IL20RA: variants seen among roughly 807,000 people sequenced by gnomAD.
The protein encoded by IL20RA is interleukin 20 receptor subunit alpha.
IL20RA carries 29 observed loss-of-function variants against 36.5 expected under a neutral mutation model. That is an observed-to-expected ratio of 0.79 (90% CI 0.59 to 1.08). The LOEUF is 1.08. IL20RA is among the 50% of genes least tolerant of loss of function. The probability of loss-of-function intolerance (pLI) is 0.00; values close to 1 mark genes in which losing one functional copy is unlikely to be tolerated. For missense variants in IL20RA, 652 were observed against 668.4 expected (o/e 0.98, Z 0.27); for synonymous variants, 279 against 267.1 (o/e 1.04, Z -0.43).
intron 2 of IL20RA, among the ~76,000 whole-genome samples, chr6:137,016,341 T>TA (rs1775683902): frequency 6.6e-6 from 1 of 152,248 alleles, no homozygotes; most frequent in African/African-American, 2.4e-5. Flanking sequence ...TGCACTGTGA[T>TA]ACTTATTTTG....
intron 1 of IL20RA, among the ~76,000 whole-genome samples, chr6:137,032,547 A>C (rs1388398487): frequency 6.6e-6 from 1 of 152,188 alleles, no homozygotes; most frequent in Non-Finnish European, 1.5e-5. Flanking sequence ...CCTGGCTCCA[A>C]GTTCTCACTT....
Position 137,017,022 on chromosome 6 carries a change from G to A in IL20RA, c.170C>T (p.Thr57Ile), listed in dbSNP as rs565601068. 39 of 1,612,774 alleles carry A rather than the reference G, an allele frequency of 2.4e-5. No homozygotes were observed. In the East Asian group the frequency reaches 5.1e-4, roughly 21 times the overall value. Reference protein sequence around the residue: ...SINMKNVLQWTPPEGLQGVKV... With the variant: ...SINMKNVLQWIPPEGLQGVKV... ...AACTCCTTGAAGACCCTCTGGTGGA[G>A]TCCATTGTAGGACATTCTTCATGTT... Residue 57 changes from threonine to isoleucine, a missense_variant, in exon 2 of 7, where the codon ACT (threonine) becomes ATT (isoleucine). Transcript: ENST00000316649.
chr6:137,044,687 C>T lies in IL20RA; in HGVS notation c.42G>A (p.Leu14=). The stretch of plus-strand genomic sequence containing the variant: ...CCAGGAGCAACAGCAGCAGCGGCGG[C>T]AGCGGCAGCGGCCGCAGGGCCGGGC... ...PGRPALRPLP[L]PPLLLLLLAA... Residue 14 remains leucine, a synonymous_variant, in exon 1 of 7, where the codon CTG becomes CTA. Coordinates refer to ENST00000316649, the MANE Select transcript of IL20RA (RefSeq NM_014432.4). 9 of 1,224,990 alleles carry T rather than the reference C, an allele frequency of 7.3e-6. No homozygotes were observed. Among genetic ancestry groups the T allele is most frequent in the Non-Finnish European group, 7.1e-6 (7 of 984,070 alleles). 75.9% of individuals were successfully genotyped at this position (1,224,990 alleles called of 1,614,324 possible).
At chr6:137,005,123 A>C (rs1287918683) in intron 5 of IL20RA, among the ~76,000 whole-genome samples, 2 of 152,276 alleles carry the variant, frequency 1.3e-5, no homozygotes, top group Non-Finnish European at 2.9e-5. Context: ...AGTAAGTCAC[A>C]GAATTTCAAA....
intron 1 of IL20RA, among the ~76,000 whole-genome samples, chr6:137,020,744 A>G (rs990339676): frequency 2.0e-5 from 3 of 152,206 alleles, no homozygotes; most frequent in Non-Finnish European, 4.4e-5. Flanking sequence ...TTTCAGAGTA[A>G]TAAACATCTT....
chr6:137,016,835 CTT>C, intron 2 of IL20RA, 131 bp downstream of exon 2: 1 of 836,798 alleles, frequency 1.2e-6, no homozygotes, highest in Non-Finnish European at 1.9e-6. Flanking sequence ...ATCCAGAAAA[CTT>C]AACCTGAAAT....
intron 4 of IL20RA, 143 bp from the exon 5 acceptor site, chr6:137,008,886 T>TTC (rs1554212421): frequency 1.2e-4 from 64 of 531,712 alleles, no homozygotes; most frequent in Non-Finnish European, 1.6e-4. Context: ...TTTTTTTTTT[T>TTC]CAGCAACAGT....
At chr6:137,040,397 C>T (rs1776646941) in intron 1 of IL20RA, among the ~76,000 whole-genome samples, 1 of 151,840 alleles carries the variant, frequency 6.6e-6, no homozygotes, top group Non-Finnish European at 1.5e-5. Flanking sequence ...ATAAGCATGC[C>T]TCACACCCAG....
chr6:137,017,122 G>C lies in IL20RA; in HGVS notation c.89-19C>G, dbSNP rs758153370. 1.9e-6 allele frequency: 3 copies of C among 1,610,290 alleles called. No homozygotes were observed. The highest frequency in any genetic ancestry group is 2.5e-6 in the Non-Finnish European group (3 of 1,177,954). Reference sequence around the variant, plus strand: ...CAGGGAACTGAAAAAGGAGCAGAAAGGAATTGAGGTCTTAGTAGCAGAAAA... The same window carrying C: ...CAGGGAACTGAAAAAGGAGCAGAAACGAATTGAGGTCTTAGTAGCAGAAAA... On this transcript the variant is annotated intron_variant, in intron 1 of 6. Coordinates refer to ENST00000316649, the MANE Select transcript of IL20RA (RefSeq NM_014432.4).
At position 137,034,400 on chromosome 6, in the gene IL20RA, A is replaced by ATATTT. The variant is rs961003913; in HGVS notation, c.88+10236_88+10240dup. The stretch of plus-strand genomic sequence containing the variant: ...AAGACCTGAATTTATTTTATTTTTT[A>ATATTT]TATTTTATTTTATTTTATTTTAAGT... On this transcript the variant is annotated intron_variant, in intron 1 of 6. Coordinates refer to ENST00000316649, the MANE Select transcript of IL20RA (RefSeq NM_014432.4). Among the ~76,000 whole-genome samples, 7 of 152,198 alleles carry ATATTT rather than the reference A, an allele frequency of 4.6e-5. No individual in the cohort carries two copies. The South Asian group carries it at 8.3e-4, about 18-fold the overall frequency.
At chr6:137,029,482 G>A (rs1365297450) in intron 1 of IL20RA, among the ~76,000 whole-genome samples, 1 of 152,112 alleles carries the variant, frequency 6.6e-6, no homozygotes, top group African/African-American at 2.4e-5. Context: ...ACTTCTGCCT[G>A]GGCAACAGAG....
chr6:137,041,003 C>T (rs1776674787), intron 1 of IL20RA, among the ~76,000 whole-genome samples: 1 of 152,210 alleles, frequency 6.6e-6, no homozygotes, highest in South Asian at 2.1e-4. Flanking sequence ...TCAAGGTTAA[C>T]ATCACCAATA....
chr6:137,035,814 G>A (rs1776472248), intron 1 of IL20RA, among the ~76,000 whole-genome samples: 1 of 152,180 alleles, frequency 6.6e-6, no homozygotes, highest in Non-Finnish European at 1.5e-5. Flanking sequence ...AAAATAATAA[G>A]TTGAGCATTT....
intron 2 of IL20RA, among the ~76,000 whole-genome samples, chr6:137,016,421 T>C (rs1775686070): frequency 1.3e-5 from 2 of 152,234 alleles, no homozygotes; most frequent in Non-Finnish European, 2.9e-5. Context: ...GCAGCTGTTT[T>C]TCTTCAGATT....
chr6:137,010,814 TG>T (rs748507645), intron 3 of IL20RA, among the ~76,000 whole-genome samples: 15 of 152,170 alleles, frequency 9.9e-5, no homozygotes, highest in Admixed American at 2.6e-4. Flanking sequence ...AAAGTCATTT[TG>T]TTCCTCAAAT....
chr6:137,016,888 G>A (rs1330823401), intron 2 of IL20RA, 80 bp downstream of exon 2: 10 of 1,250,382 alleles, frequency 8.0e-6, no homozygotes, highest in East Asian at 7.0e-5. Context: ...TTAATACCAC[G>A]GAGAGTTTAT....
chr6:137,026,669 C>T lies in IL20RA; in HGVS notation c.89-9566G>A, dbSNP rs367998618. The stretch of plus-strand genomic sequence containing the variant: ...GGGATGATTGACTAATTTCAGGAAG[C>T]GGATGTTGTAAACAATGACATTCTA... On this transcript the variant is annotated intron_variant, in intron 1 of 6. Coordinates refer to ENST00000316649, the MANE Select transcript of IL20RA (RefSeq NM_014432.4). 2.4e-3 allele frequency among the ~76,000 whole-genome samples: 362 copies of T among 152,214 alleles called. 1 individual carries two copies. Among genetic ancestry groups the T allele is most frequent in the Admixed American group, 3.5e-3 (54 of 15,298 alleles).
At position 137,022,983 on chromosome 6, in the gene IL20RA, A is replaced by C. The variant is rs563146544; in HGVS notation, c.89-5880T>G. Among the ~76,000 whole-genome samples the C allele has an allele frequency of 2.6e-5, 4 of 152,278 alleles. No homozygotes were observed. In the East Asian group the frequency reaches 7.7e-4, roughly 29 times the overall value. ...AGCTTCCAAAACTGTGAGAGAATAA[A>C]TTGTGTTTTTTAAAGCAAACCGGTG... On this transcript the variant is annotated intron_variant, in intron 1 of 6. Coordinates refer to ENST00000316649, the MANE Select transcript of IL20RA (RefSeq NM_014432.4).
intron 1 of IL20RA, among the ~76,000 whole-genome samples, chr6:137,018,798 C>T (rs1358938): frequency 0.82 from 124,770 of 152,158 alleles, 56,551 homozygotes; most frequent in East Asian, 1. Context: ...TCAGCTCTTC[C>T]AAAATGTGGA....
Sources: gnomAD v4.1 joint callset for allele counts (sites outside exome capture counted in the v4.1 genomes callset) on GRCh38, gnomAD v4.1.1 for gene constraint, MANE v1.5 for transcripts, NCBI Gene and HGNC (gene_info 2026-07-23, HGNC 2026-07-21) for gene names.